H1-5: variants seen among roughly 807,000 people sequenced by gnomAD.
H1-5 encodes histone H1.5.
Under a neutral mutation model 4.6 loss-of-function variants are expected in H1-5, and 3 were observed. The observed-to-expected ratio is 0.65, with a 90% CI of 0.30 to 1.68. The LOEUF is 1.68. Among genes scored for constraint, H1-5 ranks in the 40% most tolerant of loss-of-function variants. The pLI is 0.10. For missense variants in H1-5, 521 were observed against 287.9 expected (o/e 1.81, Z -5.86); for synonymous variants, 250 against 123.4 (o/e 2.03, Z -6.80).
At position 27,867,284 on chromosome 6, in the gene H1-5, G is replaced by A. The variant is rs758558553; in HGVS notation, c.246C>T (p.Arg82=). The A allele has an allele frequency of 1.3e-5, 21 of 1,614,144 alleles. No individual in the cohort carries two copies. The highest frequency in any genetic ancestry group is 2.2e-5 in the East Asian group (1 of 44,888). The part of the protein sequence containing the change: ...GGYDVEKNNS[R]IKLGLKSLVS... ...CCAAGCTCTTGAGGCCCAGCTTAAT[G>A]CGGCTGTTATTCTTCTCCACGTCGT... The change falls in exon 1 of 1, where the codon CGC becomes CGT. Residue 82 remains arginine (R), a synonymous_variant. Coordinates refer to ENST00000331442, the MANE Select transcript of H1-5 (RefSeq NM_005322.3).
rs761646873 is a variant in H1-5 at position 27,866,943 on chromosome 6, A to T, written c.587T>A (p.Val196Asp). Residue 196 changes from valine to aspartate, a missense_variant, in exon 1 of 1, where the codon GTT becomes GAT. Val to Asp is a radical substitution (Grantham distance 152). Transcript: ENST00000331442. Reference protein sequence around the residue: ...ATKSPAKPKAVKPKAAKPKAA... With the variant: ...ATKSPAKPKADKPKAAKPKAA... Reference sequence around the variant, plus strand: ...TTTGGGCTTTGCCGCCTTCGGCTTAACTGCCTTGGGCTTGGCAGGACTCTT... The same window carrying T: ...TTTGGGCTTTGCCGCCTTCGGCTTATCTGCCTTGGGCTTGGCAGGACTCTT... The T allele has an allele frequency of 6.2e-7, 1 of 1,614,144 alleles. No individual in the cohort carries two copies. Among genetic ancestry groups the T allele is most frequent in the Non-Finnish European group, 8.5e-7 (1 of 1,180,026 alleles).
Position 27,866,896 on chromosome 6 carries a change from TTGC to T in H1-5, c.631_633del (p.Ala211del). ...TTCTTGGCCTTTGCAGCTTTAGGTTTTGCTGCTTTGGGCTTAGCGGCTTTGGGC... is the reference window on the plus strand; with the variant it reads ...TTCTTGGCCTTTGCAGCTTTAGGTTTTGCTTTGGGCTTAGCGGCTTTGGGC... On this transcript the variant is annotated inframe_deletion, in exon 1 of 1. Transcript: ENST00000331442. 5 of 1,608,296 alleles carry T rather than the reference TTGC, an allele frequency of 3.1e-6. No homozygotes were observed. Among genetic ancestry groups the T allele is most frequent in the Non-Finnish European group, 4.2e-6 (5 of 1,178,466 alleles).
chr6:27,867,033 C>A lies in H1-5; in HGVS notation c.497G>T (p.Gly166Val). ...PKKAKKPAAA[G>V]VKKVAKSPKK... ...AGGGCTCTTCGCCACCTTTTTGACG[C>A]CAGCCGCCGCGGGCTTCTTCGCCTT... Residue 166 changes from glycine to valine, a missense_variant, in exon 1 of 1, where the codon GGC (glycine) becomes GTC (valine). Gly to Val is a moderately radical substitution (Grantham distance 109). Coordinates refer to ENST00000331442, the MANE Select transcript of H1-5 (RefSeq NM_005322.3). 1.2e-6 allele frequency: 2 copies of A among 1,613,978 alleles called. No individual in the cohort carries two copies. The highest frequency in any genetic ancestry group is 1.7e-6 in the Non-Finnish European group (2 of 1,180,010).
In H1-5 at chr6:27,867,478, A is replaced by T. The variant is rs761649062; in HGVS notation, c.52T>A (p.Ser18Thr). 3.2e-6 allele frequency: 5 copies of T among 1,586,840 alleles called. No homozygotes were observed. The highest frequency in any genetic ancestry group is 3.4e-6 in the Non-Finnish European group (4 of 1,168,868). ...TTAGTTGCCTTCTTCTTAGCCGGGG[A>T]TTTCTCCACCGGCGCTGGGGTGGCT... is the stretch of plus-strand genomic sequence containing the variant. ...ETATPAPVEK[S>T]PAKKKATKKA... The change falls in exon 1 of 1, where the codon TCC (serine) becomes ACC (threonine). Residue 18 changes from serine to threonine, a missense_variant. Coordinates refer to ENST00000331442, the MANE Select transcript of H1-5 (RefSeq NM_005322.3).
Position 27,867,155 on chromosome 6 carries a change from C to G in H1-5, c.375G>C (p.Lys125Asn). The G allele has an allele frequency of 6.2e-7, 1 of 1,614,144 alleles. No homozygotes were observed. The highest frequency in any genetic ancestry group is 8.5e-7 in the Non-Finnish European group (1 of 1,180,014). Reference protein sequence around the residue: ...ASGEAKPKAKKAGAAKAKKPA... With the variant: ...ASGEAKPKAKNAGAAKAKKPA... ...GCTTCTTAGCTTTAGCGGCGCCTGC[C>G]TTCTTGGCTTTGGGCTTGGCTTCCC... The change falls in exon 1 of 1, where the codon AAG becomes AAC. Residue 125 changes from lysine to asparagine, a missense_variant. Transcript: ENST00000331442.
Position 27,866,798 on chromosome 6 carries a change from G to T in H1-5, c.*51C>A. ...GCCATTTTTTAGAGGTCTCTGGGTG[G>T]CTCTGAAAAGAGCCTTTGGGGCTTT... On this transcript the variant is annotated 3_prime_UTR_variant, in exon 1 of 1. Transcript: ENST00000331442. 6.9e-7 allele frequency: 1 copy of T among 1,444,390 alleles called. No homozygotes were observed. The highest frequency in any genetic ancestry group is 9.3e-7 in the Non-Finnish European group (1 of 1,074,746). 89.5% of individuals were successfully genotyped at this position (1,444,390 alleles called of 1,614,324 possible).
chr6:27,867,424 G>A lies in H1-5; in HGVS notation c.106C>T (p.Arg36Cys), dbSNP rs780477916. 6.2e-7 allele frequency: 1 copy of A among 1,611,250 alleles called. No individual in the cohort carries two copies. The highest frequency in any genetic ancestry group is 8.5e-7 in the Non-Finnish European group (1 of 1,178,782). Residue 36 changes from arginine (R) to cysteine (C), a missense_variant, in exon 1 of 1, where the codon CGC becomes TGC. Arg to Cys is a radical substitution (Grantham distance 180). Coordinates refer to ENST00000331442, the MANE Select transcript of H1-5 (RefSeq NM_005322.3). ...GAGACTGGGGGCCCCGTCGCTTTGC[G>A]CTTAGCAGCGCCGGCGCCGGCAGCC... ...KKAAGAGAAK[R>C]KATGPPVSEL...
In H1-5 at chr6:27,867,518, G is replaced by T. The variant is rs2113566256; in HGVS notation, c.12C>A (p.Thr4=). ...CTGGGGTGGCTGTCTCGGCAGGAGC[G>T]GTTTCCGACATGGTGGCAAGAAACT... The part of the protein sequence containing the change: MSE[T]APAETATPAP... The change falls in exon 1 of 1, where the codon ACC becomes ACA. Residue 4 remains threonine, a synonymous_variant. Transcript: ENST00000331442. The T allele has an allele frequency of 6.5e-7, 1 of 1,545,054 alleles. No homozygotes were observed. Among genetic ancestry groups the T allele is most frequent in the East Asian group, 2.3e-5 (1 of 44,352 alleles).
chr6:27,867,358 T>G lies in H1-5; in HGVS notation c.172A>C (p.Asn58His). Residue 58 changes from asparagine to histidine, a missense_variant, in exon 1 of 1, where the codon AAT (asparagine) becomes CAT (histidine). Asn to His is a moderately conservative substitution (Grantham distance 68). Coordinates refer to ENST00000331442, the MANE Select transcript of H1-5 (RefSeq NM_005322.3). ...TTAAGGGCTGCCAAAGAAAGGCCAT[T>G]GCGCTCCTTAGAAGCAGCCACAGCC... ...TKAVAASKER[N>H]GLSLAALKKA... 1 of 1,614,244 alleles carries G rather than the reference T, an allele frequency of 6.2e-7. No individual in the cohort carries two copies.
Position 27,867,181 on chromosome 6 carries a change from C to T in H1-5, c.349G>A (p.Gly117Arg). The T allele has an allele frequency of 1.2e-6, 2 of 1,614,200 alleles. No individual in the cohort carries two copies. Among genetic ancestry groups the T allele is most frequent in the African/African-American group, 1.3e-5 (1 of 75,062 alleles). The change falls in exon 1 of 1, where the codon GGG (glycine) becomes AGG (arginine). Residue 117 changes from glycine (G) to arginine (R), a missense_variant. By Grantham distance (125) the Gly-to-Arg change is moderately radical (BLOSUM62 -2). Coordinates refer to ENST00000331442, the MANE Select transcript of H1-5 (RefSeq NM_005322.3). ...SFKLNKKAASGEAKPKAKKAG... is the reference protein window; with the variant it reads ...SFKLNKKAASREAKPKAKKAG... ...TTCTTGGCTTTGGGCTTGGCTTCCC[C>T]GGAGGCCGCCTTCTTGTTGAGTTTA...
chr6:27,867,566 A>T lies in H1-5; in HGVS notation c.-37T>A. ...ACTGCTAGAAGAGAATAAGCTCGAAATCTAAAGAGCAGGTTTTGCGTTGCT... is the reference window on the plus strand; with the variant it reads ...ACTGCTAGAAGAGAATAAGCTCGAATTCTAAAGAGCAGGTTTTGCGTTGCT... On this transcript the variant is annotated 5_prime_UTR_variant, in exon 1 of 1. Transcript: ENST00000331442. 6.6e-7 allele frequency: 1 copy of T among 1,512,076 alleles called. No individual in the cohort carries two copies. Among genetic ancestry groups the T allele is most frequent in the Non-Finnish European group, 8.8e-7 (1 of 1,131,240 alleles). 93.7% of individuals were successfully genotyped at this position (1,512,076 alleles called of 1,614,324 possible).
Position 27,866,868 on chromosome 6 carries a change from G to C in H1-5, c.662C>G (p.Ala221Gly), listed in dbSNP as rs748484962. The change falls in exon 1 of 1, where the codon GCG (alanine) becomes GGG (glycine). Residue 221 changes from alanine (A) to glycine (G), a missense_variant. Physicochemically the swap from Ala to Gly is moderately conservative, Grantham distance 60. Coordinates refer to ENST00000331442, the MANE Select transcript of H1-5 (RefSeq NM_005322.3). ...AGCTTCCTACTTCTTTTTGGCAGCC[G>C]CCTTCTTGGCCTTTGCAGCTTTAGG... ...AKPKAAKAKK[A>G]AAKKK 3.8e-6 allele frequency: 6 copies of C among 1,589,772 alleles called. No homozygotes were observed. Among genetic ancestry groups the C allele is most frequent in the Non-Finnish European group, 5.1e-6 (6 of 1,173,144 alleles).
Position 27,867,076 on chromosome 6 carries a change from C to G in H1-5, c.454G>C (p.Val152Leu), listed in dbSNP as rs926661430. 7 of 1,613,874 alleles carry G rather than the reference C, an allele frequency of 4.3e-6. No homozygotes were observed. The Admixed American group carries it at 5.0e-5, about 12-fold the overall frequency. The change falls in exon 1 of 1, where the codon GTG (valine) becomes CTG (leucine). Residue 152 changes from valine to leucine, a missense_variant. Val to Leu is a conservative substitution (Grantham distance 32). Transcript: ENST00000331442. ...AKKAAGAKKA[V>L]KKTPKKAKKP... ...TTCGCCTTCTTCGGAGTCTTCTTCA[C>G]TGCCTTTTTCGCCCCTGCAGCCTTC...
rs1326832976 is a variant in H1-5, at chr6:27,866,882, T to C, written c.648A>G (p.Ala216=). The C allele has an allele frequency of 6.2e-6, 10 of 1,601,258 alleles. No homozygotes were observed. Among genetic ancestry groups the C allele is most frequent in the Non-Finnish European group, 6.8e-6 (8 of 1,176,622 alleles). The change falls in exon 1 of 1, where the codon GCA becomes GCG. Residue 216 remains alanine (A), a synonymous_variant. Transcript: ENST00000331442. ...TTTTGGCAGCCGCCTTCTTGGCCTTTGCAGCTTTAGGTTTTGCTGCTTTGG... is the reference window on the plus strand; with the variant it reads ...TTTTGGCAGCCGCCTTCTTGGCCTTCGCAGCTTTAGGTTTTGCTGCTTTGG... ...AKPKAAKPKA[A]KAKKAAAKKK is the part of the protein sequence containing the mutation.
Position 27,867,074 on chromosome 6 carries a change from C to T in H1-5, c.456G>A (p.Val152=), listed in dbSNP as rs770056338. The change falls in exon 1 of 1, where the codon GTG becomes GTA. Residue 152 remains valine, a synonymous_variant. Coordinates refer to ENST00000331442, the MANE Select transcript of H1-5 (RefSeq NM_005322.3). ...AKKAAGAKKA[V]KKTPKKAKKP... is the part of the protein sequence containing the mutation. ...TCTTCGCCTTCTTCGGAGTCTTCTTCACTGCCTTTTTCGCCCCTGCAGCCT... is the reference window on the plus strand; with the variant it reads ...TCTTCGCCTTCTTCGGAGTCTTCTTTACTGCCTTTTTCGCCCCTGCAGCCT... 8.1e-6 allele frequency: 13 copies of T among 1,613,876 alleles called. No homozygotes were observed. The Admixed American group carries it at 1.0e-4, about 12-fold the overall frequency.
rs947308495 is a variant in H1-5, at chr6:27,867,160, T to C, written c.370A>G (p.Lys124Glu). 1.9e-6 allele frequency: 3 copies of C among 1,614,048 alleles called. No individual in the cohort carries two copies. The highest frequency in any genetic ancestry group is 2.5e-6 in the Non-Finnish European group (3 of 1,180,022). ...TTAGCTTTAGCGGCGCCTGCCTTCT[T>C]GGCTTTGGGCTTGGCTTCCCCGGAG... Reference protein sequence around the residue: ...AASGEAKPKAKKAGAAKAKKP... With the variant: ...AASGEAKPKAEKAGAAKAKKP... The change falls in exon 1 of 1, where the codon AAG (lysine) becomes GAG (glutamate). Residue 124 changes from lysine to glutamate, a missense_variant. By Grantham distance (56) the Lys-to-Glu change is moderately conservative (BLOSUM62 1). Transcript: ENST00000331442.
chr6:27,867,545 C>G lies in H1-5; in HGVS notation c.-16G>C. 3.9e-6 allele frequency: 6 copies of G among 1,529,104 alleles called. No individual in the cohort carries two copies. Among genetic ancestry groups the G allele is most frequent in the African/African-American group, 1.4e-5 (1 of 71,934 alleles). The allele number at this position is 1,529,104 out of a possible 1,614,324, so 94.7% of individuals were successfully genotyped here. On this transcript the variant is annotated 5_prime_UTR_variant, in exon 1 of 1. Coordinates refer to ENST00000331442, the MANE Select transcript of H1-5 (RefSeq NM_005322.3). ...TTTCCGACATGGTGGCAAGAAACTG[C>G]TAGAAGAGAATAAGCTCGAAATCTA...
rs1177550033 is a variant in H1-5 at position 27,867,267 on chromosome 6, T to C, written c.263A>G (p.Lys88Arg). Reference protein sequence around the residue: ...KNNSRIKLGLKSLVSKGTLVQ... With the variant: ...KNNSRIKLGLRSLVSKGTLVQ... ...CAGGGTGCCCTTGCTCACCAAGCTC[T>C]TGAGGCCCAGCTTAATGCGGCTGTT... Residue 88 changes from lysine to arginine, a missense_variant, in exon 1 of 1, where the codon AAG (lysine) becomes AGG (arginine). By Grantham distance (26) the Lys-to-Arg change is conservative (BLOSUM62 2). Transcript: ENST00000331442. The C allele has an allele frequency of 1.2e-6, 2 of 1,614,260 alleles. No homozygotes were observed. The highest frequency in any genetic ancestry group is 1.1e-5 in the South Asian group (1 of 91,090).
Position 27,867,290 on chromosome 6 carries a change from GTTA to G in H1-5, c.237_239del (p.Asn80del), listed in dbSNP as rs772099692. 2 of 1,614,134 alleles carry G rather than the reference GTTA, an allele frequency of 1.2e-6. No individual in the cohort carries two copies. The highest frequency in any genetic ancestry group is 1.7e-6 in the Non-Finnish European group (2 of 1,180,056). Reference sequence around the variant, plus strand: ...TCTTGAGGCCCAGCTTAATGCGGCTGTTATTCTTCTCCACGTCGTAGCCACCGG... The same window carrying G: ...TCTTGAGGCCCAGCTTAATGCGGCTGTTCTTCTCCACGTCGTAGCCACCGG... On this transcript the variant is annotated inframe_deletion, in exon 1 of 1. Coordinates refer to ENST00000331442, the MANE Select transcript of H1-5 (RefSeq NM_005322.3).
Sources: allele counts gnomAD v4.1 joint callset, GRCh38; gene constraint gnomAD v4.1.1; transcripts MANE v1.5; gene names NCBI Gene and HGNC (gene_info 2026-07-23, HGNC 2026-07-21).